PEX5L: variants seen among roughly 807,000 people sequenced by gnomAD.
The protein encoded by PEX5L is peroxisomal biogenesis factor 5 like, also known as PEX5-related protein.
In PEX5L, 30 loss-of-function variants were observed where a neutral mutation model predicts 84.0. The ratio of observed to expected loss-of-function variants is 0.36; its 90% CI spans 0.27 to 0.48. The LOEUF is 0.48. Ranked by LOEUF, PEX5L falls within the 20% of genes least tolerant of loss-of-function variation. The probability of loss-of-function intolerance (pLI) is 0.99; values close to 1 mark genes in which losing one functional copy is unlikely to be tolerated. For synonymous variants in PEX5L, 270 were observed against 283.1 expected (o/e 0.95, Z 0.46); for missense variants, 533 against 754.6 (o/e 0.71, Z 3.44).
At chr3:179,938,069 A>C (rs1305558239) in intron 2 of PEX5L, among the ~76,000 whole-genome samples, 1 of 151,986 alleles carries the variant, frequency 6.6e-6, no homozygotes, top group South Asian at 2.1e-4. Flanking sequence ...AACACCATAC[A>C]ATTATGGAAC....
intron 9 of PEX5L, among the ~76,000 whole-genome samples, chr3:179,819,292 G>C (rs796197195): frequency 1.2e-4 from 19 of 152,204 alleles, no homozygotes; most frequent in African/African-American, 4.6e-4. Context: ...GATTTGGCTG[G>C]TTGTTCACTG....
chr3:179,996,882 G>A (rs941973451), intron 1 of PEX5L, among the ~76,000 whole-genome samples: 1 of 152,206 alleles, frequency 6.6e-6, no homozygotes, highest in African/African-American at 2.4e-5. Flanking sequence ...TCTGTCATTG[G>A]CTAATTAATC....
At chr3:179,951,211 G>A (rs1179257257) in intron 2 of PEX5L, among the ~76,000 whole-genome samples, 1 of 152,136 alleles carries the variant, frequency 6.6e-6, no homozygotes, top group African/African-American at 2.4e-5. Context: ...ATTTTCCTTG[G>A]TCACTGACTT....
intron 2 of PEX5L, among the ~76,000 whole-genome samples, chr3:179,916,984 T>C (rs2109323073): frequency 6.9e-6 from 1 of 145,256 alleles, no homozygotes; most frequent in South Asian, 2.3e-4. Context: ...AAATCCCTTT[T>C]TGATCCTTTT....
At chr3:180,032,826 C>T (rs1791578744) in intron 1 of PEX5L, among the ~76,000 whole-genome samples, 1 of 152,068 alleles carries the variant, frequency 6.6e-6, no homozygotes, top group Admixed American at 6.5e-5. Context: ...TGCACTCTAG[C>T]CTGGGGGACA....
chr3:179,972,143 C>T (rs1222907728), intron 1 of PEX5L, among the ~76,000 whole-genome samples: 1 of 152,104 alleles, frequency 6.6e-6, no homozygotes, highest in Non-Finnish European at 1.5e-5. Context: ...AGATTTTCAA[C>T]ATTTGCTCAC....
At chr3:179,990,003 C>T (rs987711455) in intron 1 of PEX5L, among the ~76,000 whole-genome samples, 2 of 152,168 alleles carry the variant, frequency 1.3e-5, no homozygotes, top group Admixed American at 1.3e-4. Context: ...TTAAATGTTG[C>T]ATAGTTGAGC....
In PEX5L at chr3:179,800,973, A is replaced by T. The variant is rs1266707672; in HGVS notation, c.*855T>A. On this transcript the variant is annotated 3_prime_UTR_variant, in exon 15 of 15. Transcript: ENST00000467460. ...TTATGTTCATACAGACCCAGAAAGC[A>T]CGTGAATGAAAAGATCTGTTTGCCA... 6.6e-6 allele frequency: 1 copy of T among 152,558 alleles called. No individual in the cohort carries two copies. The highest frequency in any genetic ancestry group is 6.5e-5 in the Admixed American group (1 of 15,280). 9.5% of individuals were successfully genotyped at this position (152,558 alleles called of 1,614,324 possible).
chr3:180,004,379 G>A (rs1788684925), intron 1 of PEX5L, among the ~76,000 whole-genome samples: 1 of 152,072 alleles, frequency 6.6e-6, no homozygotes, highest in African/African-American at 2.4e-5. Context: ...GTAAAGTTTG[G>A]AAATAAGATG....
chr3:179,818,777 A>G (rs939704694), intron 9 of PEX5L, among the ~76,000 whole-genome samples: 3 of 152,036 alleles, frequency 2.0e-5, no homozygotes, highest in African/African-American at 7.2e-5. Flanking sequence ...GTTATAAATG[A>G]CAGGATGCCA....
chr3:179,817,061 G>C (rs916716297), intron 9 of PEX5L, among the ~76,000 whole-genome samples: 1 of 152,140 alleles, frequency 6.6e-6, no homozygotes, highest in African/African-American at 2.4e-5. Context: ...CCCACATACT[G>C]TATATCTGTT....
At chr3:179,899,032 A>G (rs924887345) in intron 2 of PEX5L, among the ~76,000 whole-genome samples, 1 of 152,080 alleles carries the variant, frequency 6.6e-6, no homozygotes, top group African/African-American at 2.4e-5. Context: ...ACAAATGTAT[A>G]TGTATATATA....
intron 7 of PEX5L, among the ~76,000 whole-genome samples, chr3:179,867,434 G>A (rs1175851052): frequency 2.0e-5 from 3 of 152,044 alleles, no homozygotes; most frequent in Non-Finnish European, 2.9e-5. Flanking sequence ...TGCTGGAAGT[G>A]GTCTTTCAGA....
intron 1 of PEX5L, among the ~76,000 whole-genome samples, chr3:179,999,370 G>A (rs1231545800): frequency 1.3e-5 from 2 of 151,906 alleles, no homozygotes; most frequent in African/African-American, 4.8e-5. Flanking sequence ...CCCTGTCATC[G>A]CCCAATGGTC....
chr3:180,030,508 G>A (rs1791356197), intron 1 of PEX5L, among the ~76,000 whole-genome samples: 1 of 152,160 alleles, frequency 6.6e-6, no homozygotes, highest in African/African-American at 2.4e-5. Context: ...CTTATATAGA[G>A]TCATCATGGT....
chr3:179,933,491 T>G (rs1400614265), intron 2 of PEX5L, among the ~76,000 whole-genome samples: 1 of 152,192 alleles, frequency 6.6e-6, no homozygotes, highest in African/African-American at 2.4e-5. Context: ...AAATTTCTAT[T>G]GCTAAAAAGC....
At chr3:179,976,528 C>G (rs761081924) in intron 1 of PEX5L, among the ~76,000 whole-genome samples, 11 of 152,092 alleles carry the variant, frequency 7.2e-5, no homozygotes, top group Non-Finnish European at 1.5e-4. Context: ...ACTTCCGCCT[C>G]CTGGGTTCAA....
intron 7 of PEX5L, among the ~76,000 whole-genome samples, chr3:179,866,803 T>C (rs753347044): frequency 1.3e-5 from 2 of 151,792 alleles, no homozygotes; most frequent in East Asian, 1.9e-4. Context: ...GGTGGGCGGA[T>C]TGCCCGAGCT....
chr3:179,997,781 C>A (rs1370407079), intron 1 of PEX5L, among the ~76,000 whole-genome samples: 3 of 152,244 alleles, frequency 2.0e-5, no homozygotes, highest in Admixed American at 2.0e-4. Flanking sequence ...TCTCCTGGTA[C>A]CTGGTATGCA....
Sources: allele counts gnomAD v4.1 joint callset (sites outside exome capture counted in the v4.1 genomes callset), GRCh38; gene constraint gnomAD v4.1.1; transcripts MANE v1.5; gene names NCBI Gene and HGNC (gene_info 2026-07-23, HGNC 2026-07-21).